ANO1: variants seen among roughly 807,000 people sequenced by gnomAD.
ANO1 encodes the protein anoctamin 1, also known as anoctamin-1.
Under a neutral mutation model 124.0 loss-of-function variants are expected in ANO1, and 59 were observed. The ratio of observed to expected loss-of-function variants is 0.48; its 90% CI spans 0.39 to 0.59. The LOEUF (loss-of-function observed/expected upper bound fraction) is 0.59. Ranked by LOEUF, ANO1 falls within the 20% of genes least tolerant of loss-of-function variation. ANO1 has a pLI of 0.00. For missense variants in ANO1, 1,059 were observed against 1,328.0 expected, an observed-to-expected ratio of 0.80 and a Z score of 3.15; for synonymous variants, 529 against 532.0, an observed-to-expected ratio of 0.99 and a Z score of 0.08.
intron 2 of ANO1, among the ~76,000 whole-genome samples, chr11:70,094,208 A>C (rs2044751150): frequency 6.6e-6 from 1 of 152,132 alleles, no homozygotes. Flanking sequence ...TTGGAAGAGA[A>C]GGGTCTCCCT....
chr11:70,023,413 C>G (rs4980583), intron 1 of ANO1, among the ~76,000 whole-genome samples: 50,533 of 152,154 alleles, frequency 0.33, 8,916 homozygotes, highest in Admixed American at 0.4. Flanking sequence ...CATGGCACGT[C>G]TTGTCAGAGG....
intron 1 of ANO1, among the ~76,000 whole-genome samples, chr11:70,056,830 C>CTT (rs200523204): frequency 3.9e-4 from 55 of 140,364 alleles, no homozygotes; most frequent in Middle Eastern, 3.7e-3. Flanking sequence ...TGTTTTACAT[C>CTT]TTTTTTTTTT....
intron 1 of ANO1, among the ~76,000 whole-genome samples, chr11:70,040,041 G>T (rs1235830795): frequency 6.6e-6 from 1 of 152,010 alleles, no homozygotes; most frequent in Non-Finnish European, 1.5e-5. Flanking sequence ...GTCGATCCTG[G>T]GTATTCTCTT....
intron 1 of ANO1, among the ~76,000 whole-genome samples, chr11:70,067,710 C>T (rs1555008809): frequency 6.6e-6 from 1 of 152,202 alleles, no homozygotes; most frequent in African/African-American, 2.4e-5. Context: ...GATGCACAGG[C>T]AGCCCCAAGG....
At chr11:70,166,636 G>A (rs1375395613) in intron 20 of ANO1, among the ~76,000 whole-genome samples, 2 of 152,156 alleles carry the variant, frequency 1.3e-5, no homozygotes, top group Non-Finnish European at 2.9e-5. Flanking sequence ...GTCCACTTGG[G>A]CATGACCAGC....
rs993168350 is a variant in ANO1 at position 70,085,633 on chromosome 11, A to G, written c.109-2119A>G. The G allele has an allele frequency of 5.9e-6, 9 of 1,532,336 alleles. No individual in the cohort carries two copies. In the Admixed American group the frequency reaches 1.6e-4, roughly 27 times the overall value. 94.9% of individuals were successfully genotyped at this position (1,532,336 alleles called of 1,614,324 possible). A position where few individuals can be genotyped will look rare whatever the true frequency, so the allele number is the denominator to read the frequency against. On this transcript the variant is annotated intron_variant, in intron 1 of 25. Transcript: ENST00000355303. ...CCCCAACTGTCCCCTAACCAGGGGT[A>G]GAGGAGTCTAGACCCTTGACATCAA...
At chr11:70,036,889 G>A (rs538177740) in intron 1 of ANO1, among the ~76,000 whole-genome samples, 1 of 152,228 alleles carries the variant, frequency 6.6e-6, no homozygotes, top group South Asian at 2.1e-4. Flanking sequence ...TTACAGGCGT[G>A]AGCCACCGTG....
chr11:70,017,392 C>T (rs1244601794), intron 1 of ANO1, among the ~76,000 whole-genome samples: 2 of 152,068 alleles, frequency 1.3e-5, no homozygotes, highest in Non-Finnish European at 1.5e-5. Flanking sequence ...TCACTTAAGG[C>T]CAGGAGTTCA....
intron 8 of ANO1, 29 bp from the exon 9 acceptor site, chr11:70,124,321 C>T (rs2046402924): frequency 1.2e-6 from 2 of 1,612,498 alleles, no homozygotes; most frequent in Admixed American, 1.7e-5. Context: ...GCCACATTGT[C>T]ACCAACCCCA....
At chr11:70,108,481 G>A (rs1437295144) in intron 6 of ANO1, 77 bp downstream of exon 6, 4 of 1,512,476 alleles carry the variant, frequency 2.6e-6, no homozygotes, top group Non-Finnish European at 3.7e-6. Flanking sequence ...CTCTGTGGGA[G>A]GCAGGCAGCC....
Position 70,111,771 on chromosome 11 carries a change from C to T in ANO1, c.855+9C>T. On this transcript the variant is annotated intron_variant, in intron 7 of 25. Coordinates refer to ENST00000355303, the MANE Select transcript of ANO1 (RefSeq NM_018043.7). ...CATACCCACTGCACGATGTAAGTAA[C>T]CTTGACACACGATTTATCTCTGCGT... 1 of 1,613,952 alleles carries T rather than the reference C, an allele frequency of 6.2e-7. No homozygotes were observed. Among genetic ancestry groups the T allele is most frequent in the Non-Finnish European group, 8.5e-7 (1 of 1,179,808 alleles).
At chr11:70,185,480 G>C in intron 24 of ANO1, 110 bp from the exon 25 acceptor site, 2 of 957,642 alleles carry the variant, frequency 2.1e-6, no homozygotes, top group South Asian at 3.0e-5. Context: ...CCCGGAGGCA[G>C]CCGCACACCA....
chr11:70,122,514 CCTCT>C (rs1160217883), intron 8 of ANO1, among the ~76,000 whole-genome samples: 2 of 148,618 alleles, frequency 1.3e-5, no homozygotes, highest in South Asian at 2.2e-4. Flanking sequence ...GTCTCCCTCA[CCTCT>C]CTCTGTCTGT....
intron 1 of ANO1, chr11:70,016,520 C>G (rs538884994): frequency 6.6e-6 from 1 of 152,294 alleles, no homozygotes; most frequent in Non-Finnish European, 1.5e-5. Flanking sequence ...ATTGTGGTCA[C>G]AGGACAGTGG....
chr11:70,096,059 G>C lies in ANO1; in HGVS notation c.442-7007G>C, dbSNP rs774823221. On this transcript the variant is annotated intron_variant, in intron 2 of 25. Transcript: ENST00000355303. ...AGCTGAGTGGGCCGATTTCTATCTC[G>C]GTCACTTCAGCTGGTTCTCCTCCCG... Among the ~76,000 whole-genome samples, 3 of 152,228 alleles carry C rather than the reference G, an allele frequency of 2.0e-5. No individual in the cohort carries two copies. In the South Asian group the frequency reaches 6.2e-4, roughly 32 times the overall value.
chr11:70,177,193 C>T (rs527338593), intron 22 of ANO1, among the ~76,000 whole-genome samples: 1 of 152,350 alleles, frequency 6.6e-6, no homozygotes, highest in Admixed American at 6.5e-5. Flanking sequence ...GGAGCCACGT[C>T]CCTCGGGAGC....
At chr11:70,140,785 T>A (rs1213744077) in intron 11 of ANO1, among the ~76,000 whole-genome samples, 1 of 152,264 alleles carries the variant, frequency 6.6e-6, no homozygotes, top group Non-Finnish European at 1.5e-5. Context: ...AAATTAGGAA[T>A]GCTTTTGTTC....
intron 1 of ANO1, among the ~76,000 whole-genome samples, chr11:70,032,532 G>C (rs965137466): frequency 7.9e-6 from 1 of 126,442 alleles, no homozygotes; most frequent in Non-Finnish European, 1.7e-5. Flanking sequence ...AGGGAGGCGG[G>C]AGAGGGGGGG....
At chr11:70,093,251 C>T (rs2044708081) in intron 2 of ANO1, among the ~76,000 whole-genome samples, 1 of 147,706 alleles carries the variant, frequency 6.8e-6, no homozygotes, top group Admixed American at 6.8e-5. Flanking sequence ...CACTCTACCC[C>T]CTCTCACTTT....
Sources: allele counts gnomAD v4.1 joint callset (sites outside exome capture counted in the v4.1 genomes callset), GRCh38; gene constraint gnomAD v4.1.1; transcripts MANE v1.5; gene names NCBI Gene and HGNC (gene_info 2026-07-23, HGNC 2026-07-21).